The following METTL16 variants were observed in gnomAD, a reference collection of about 807,000 sequenced individuals.
The protein encoded by METTL16 is methyltransferase 16, RNA N6-adenosine, also known as RNA N(6)-adenosine-methyltransferase METTL16.
A neutral mutation model predicts 57.9 loss-of-function variants in METTL16; 19 were observed. The ratio of observed to expected loss-of-function variants is 0.33; its 90% CI spans 0.23 to 0.48. The LOEUF (loss-of-function observed/expected upper bound fraction) is 0.48. Ranked by LOEUF, METTL16 falls within the 20% of genes least tolerant of loss-of-function variation. The probability of loss-of-function intolerance (pLI) is 0.99; values close to 1 mark genes in which losing one functional copy is unlikely to be tolerated. For synonymous variants in METTL16, 246 were observed against 255.6 expected, an observed-to-expected ratio of 0.96 and a Z score of 0.36; for missense variants, 434 against 691.5, an observed-to-expected ratio of 0.63 and a Z score of 4.18.
chr17:2,467,907 A>G, intron 4 of METTL16, 31 bp from the exon 5 acceptor site: 1 of 1,460,818 alleles, frequency 6.8e-7, no homozygotes, highest in South Asian at 1.1e-5. Flanking sequence ...GTGAACTAAT[A>G]TTAATGTTGC....
At chr17:2,482,613 G>C (rs925431383) in intron 2 of METTL16, among the ~76,000 whole-genome samples, 1 of 152,188 alleles carries the variant, frequency 6.6e-6, no homozygotes, top group Non-Finnish European at 1.5e-5. Context: ...CACACATTTA[G>C]GAAGATAAAC....
At chr17:2,470,433 C>G (rs905504667) in intron 4 of METTL16, among the ~76,000 whole-genome samples, 14 of 152,292 alleles carry the variant, frequency 9.2e-5, no homozygotes, top group African/African-American at 3.1e-4. Flanking sequence ...AACATGCACA[C>G]TGGGGCAACT....
chr17:2,481,739 A>G (rs991436264), intron 2 of METTL16, among the ~76,000 whole-genome samples: 1 of 152,210 alleles, frequency 6.6e-6, no homozygotes, highest in Non-Finnish European at 1.5e-5. Context: ...GAATAAAGAA[A>G]TATTCAAAGA....
At chr17:2,455,928 A>C (rs1239556367) in intron 6 of METTL16, among the ~76,000 whole-genome samples, 1 of 152,114 alleles carries the variant, frequency 6.6e-6, no homozygotes, top group Non-Finnish European at 1.5e-5. Context: ...GGCTGCAGTG[A>C]GCCGTGATCA....
intron 8 of METTL16, among the ~76,000 whole-genome samples, chr17:2,421,985 AC>A (rs1466611288): frequency 2.0e-5 from 3 of 152,082 alleles, no homozygotes; most frequent in Non-Finnish European, 4.4e-5. Flanking sequence ...ATTATACCCT[AC>A]CCACTAGAGG....
chr17:2,464,070 C>G, intron 6 of METTL16, 138 bp downstream of exon 6: 1 of 807,810 alleles, frequency 1.2e-6, no homozygotes, highest in East Asian at 2.9e-5. Flanking sequence ...TTGCAGTGAG[C>G]TGAGATCACG....
chr17:2,474,444 A>G (rs533724823), intron 3 of METTL16, among the ~76,000 whole-genome samples: 1 of 151,964 alleles, frequency 6.6e-6, no homozygotes, highest in South Asian at 2.1e-4. Context: ...TCAGATGAGA[A>G]GACATGCGAA....
intron 4 of METTL16, among the ~76,000 whole-genome samples, chr17:2,469,595 C>T (rs1357175097): frequency 1.3e-5 from 2 of 152,148 alleles, no homozygotes; most frequent in Admixed American, 6.6e-5. Flanking sequence ...GAGATCTCCA[C>T]TCAACTGCAA....
At chr17:2,484,882 T>C (rs2067330588) in intron 2 of METTL16, among the ~76,000 whole-genome samples, 1 of 152,178 alleles carries the variant, frequency 6.6e-6, no homozygotes, top group South Asian at 2.1e-4. Flanking sequence ...CAGTGATCCA[T>C]GTTTTCATAT....
At chr17:2,460,226 T>C (rs2067139806) in intron 6 of METTL16, 1 of 152,058 alleles carries the variant, frequency 6.6e-6, no homozygotes, top group African/African-American at 2.4e-5. Flanking sequence ...GAGAAGAAAG[T>C]TGCACCCTGT....
At chr17:2,438,344 CTAA>C in intron 7 of METTL16, 146 bp from the exon 8 acceptor site, 1 of 612,622 alleles carries the variant, frequency 1.6e-6, no homozygotes, top group Non-Finnish European at 3.0e-6. Context: ...AGATAGCTGC[CTAA>C]TAATGAATGA....
chr17:2,492,852 C>G (rs921344121), intron 2 of METTL16, among the ~76,000 whole-genome samples: 3 of 145,652 alleles, frequency 2.1e-5, no homozygotes, highest in Admixed American at 6.9e-5. Context: ...GAGCCAAGAA[C>G]ACGCCACTGC....
intron 3 of METTL16, 107 bp from the exon 4 acceptor site, chr17:2,473,771 C>T (rs2067251201): frequency 5.7e-6 from 7 of 1,218,164 alleles, no homozygotes; most frequent in Admixed American, 2.4e-5. Context: ...CAGGGTCTCA[C>T]TCTGTCGCCC....
rs565390879 is a variant in METTL16, at chr17:2,442,258, T to A, written c.729-699A>T. The stretch of plus-strand genomic sequence containing the variant: ...ATATAAAATAGCTGTTTTTCAGACA[T>A]TGGATAACTGGCAGTGCAGACCTAC... On this transcript the variant is annotated intron_variant, in intron 6 of 9. Transcript: ENST00000263092. Among the ~76,000 whole-genome samples the A allele has an allele frequency of 2.0e-5, 3 of 152,302 alleles. No homozygotes were observed. The East Asian group carries it at 5.8e-4, about 29-fold the overall frequency.
chr17:2,490,832 G>A (rs2067381986), intron 2 of METTL16, among the ~76,000 whole-genome samples: 1 of 152,018 alleles, frequency 6.6e-6, no homozygotes, highest in South Asian at 2.1e-4. Context: ...AACAATTCTT[G>A]TTATTCAAAT....
intron 3 of METTL16, 148 bp from the exon 4 acceptor site, chr17:2,473,812 C>T: frequency 2.6e-6 from 2 of 776,674 alleles, no homozygotes; most frequent in South Asian, 4.8e-5. Flanking sequence ...GATCACGGTT[C>T]ACTGCAGCCT....
At chr17:2,448,374 A>G (rs2067032459) in intron 6 of METTL16, among the ~76,000 whole-genome samples, 2 of 43,050 alleles carry the variant, frequency 4.6e-5, no homozygotes, top group Non-Finnish European at 8.4e-5. Context: ...TAGACATGGG[A>G]GACTTTTCAT....
intron 4 of METTL16, among the ~76,000 whole-genome samples, chr17:2,470,402 C>T (rs1204031443): frequency 1.3e-5 from 2 of 152,130 alleles, no homozygotes; most frequent in Non-Finnish European, 2.9e-5. Flanking sequence ...CAGAGCATTG[C>T]CTTGTTGAGC....
chr17:2,486,880 G>A (rs2067345699), intron 2 of METTL16, among the ~76,000 whole-genome samples: 1 of 151,526 alleles, frequency 6.6e-6, no homozygotes, highest in Admixed American at 6.6e-5. Context: ...CTCTAGGCGG[G>A]GGAGTGGGAG....
Sources: gnomAD v4.1 joint callset for allele counts (sites outside exome capture counted in the v4.1 genomes callset) on GRCh38, gnomAD v4.1.1 for gene constraint, MANE v1.5 for transcripts, NCBI Gene and HGNC (gene_info 2026-07-23, HGNC 2026-07-21) for gene names.